The following RAPGEF6 variants were observed in gnomAD, a reference collection of about 807,000 sequenced individuals.
RAPGEF6 encodes Rap guanine nucleotide exchange factor 6.
RAPGEF6 carries 56 observed loss-of-function variants against 171.4 expected under a neutral mutation model. The observed-to-expected ratio is 0.33, with a 90% CI of 0.26 to 0.41. The LOEUF is 0.41. Ranked by LOEUF, RAPGEF6 falls within the 10% of genes least tolerant of loss-of-function variation. The pLI is 1.00. For missense variants in RAPGEF6, 1,674 were observed against 1,921.4 expected (o/e 0.87, Z 2.41); for synonymous variants, 692 against 650.1 (o/e 1.06, Z -0.98).
chr5:131,561,660 CAA>C (rs35691525), intron 5 of RAPGEF6, among the ~76,000 whole-genome samples: 1,120 of 90,874 alleles, frequency 0.012, 7 homozygotes, highest in South Asian at 0.061. Flanking sequence ...AACTCTGTCT[CAA>C]AAAAAAAAAA....
At chr5:131,474,285 G>A (rs537826288) in intron 16 of RAPGEF6, among the ~76,000 whole-genome samples, 129 of 152,224 alleles carry the variant, frequency 8.5e-4, no homozygotes, top group African/African-American at 3.0e-3. Context: ...CCAACATGGC[G>A]AAACCCCGTC....
chr5:131,544,964 G>A (rs1385316672), intron 6 of RAPGEF6, among the ~76,000 whole-genome samples: 1 of 152,156 alleles, frequency 6.6e-6, no homozygotes, highest in Non-Finnish European at 1.5e-5. Context: ...TTTCAGGCAT[G>A]AGCCACCACG....
Position 131,498,424 on chromosome 5 carries a change from T to G in RAPGEF6, c.1419+19A>C. 1.3e-6 allele frequency: 2 copies of G among 1,577,196 alleles called. No individual in the cohort carries two copies. Among genetic ancestry groups the G allele is most frequent in the East Asian group, 2.3e-5 (1 of 44,174 alleles). ...AAATTTTGGGTTAAAATCACTTTCA[T>G]GCCCCTTATAAAACCAACCTTATCT... On this transcript the variant is annotated intron_variant, in intron 12 of 27. Transcript: ENST00000509018.
intron 1 of RAPGEF6, among the ~76,000 whole-genome samples, chr5:131,612,022 T>A (rs1417810476): frequency 6.6e-6 from 1 of 152,072 alleles, no homozygotes; most frequent in African/African-American, 2.4e-5. Context: ...CAGTGGACAC[T>A]GAATTATGTT....
At chr5:131,495,810 A>G (rs1191727882) in intron 12 of RAPGEF6, 150 bp from the exon 13 acceptor site, 2 of 1,250,168 alleles carry the variant, frequency 1.6e-6, no homozygotes, top group African/African-American at 1.5e-5. Flanking sequence ...ACAGAAAGGC[A>G]TGGTTTAATT....
chr5:131,542,399 G>A (rs1760211122), intron 6 of RAPGEF6, among the ~76,000 whole-genome samples: 1 of 152,064 alleles, frequency 6.6e-6, no homozygotes, highest in African/African-American at 2.4e-5. Flanking sequence ...AAATCTATAA[G>A]TTATCTATCA....
chr5:131,517,750 C>T (rs1390087962), intron 7 of RAPGEF6, among the ~76,000 whole-genome samples: 5 of 142,080 alleles, frequency 3.5e-5, no homozygotes, highest in Admixed American at 7.6e-5. Flanking sequence ...TGTTTATTCC[C>T]GAGGATCTGA....
chr5:131,575,950 C>G (rs1762579929), intron 4 of RAPGEF6, among the ~76,000 whole-genome samples: 1 of 152,152 alleles, frequency 6.6e-6, no homozygotes, highest in Admixed American at 6.5e-5. Flanking sequence ...CCCACTTACT[C>G]TCTACAACTC....
At chr5:131,491,514 GA>G (rs1756280925) in intron 14 of RAPGEF6, among the ~76,000 whole-genome samples, 1 of 152,112 alleles carries the variant, frequency 6.6e-6, no homozygotes, top group African/African-American at 2.4e-5. Context: ...AAGTACATGA[GA>G]ATCATCTAGA....
chr5:131,521,050 A>G (rs55939271), intron 7 of RAPGEF6, among the ~76,000 whole-genome samples: 4,058 of 152,330 alleles, frequency 0.027, 192 homozygotes, highest in African/African-American at 0.092. Context: ...ACAGTCAATT[A>G]TAACAAAAAT....
chr5:131,604,525 A>C, intron 2 of RAPGEF6, 98 bp downstream of exon 2: 2 of 1,366,066 alleles, frequency 1.5e-6, no homozygotes, highest in South Asian at 2.7e-5. Flanking sequence ...CCAAGGGCTT[A>C]AAACAATAAG....
intron 6 of RAPGEF6, among the ~76,000 whole-genome samples, chr5:131,537,696 T>A (rs1442098944): frequency 6.6e-6 from 1 of 152,204 alleles, no homozygotes; most frequent in African/African-American, 2.4e-5. Context: ...ATATTTAAAT[T>A]AATCAAAAGA....
At chr5:131,600,403 T>C (rs1293930236) in intron 3 of RAPGEF6, among the ~76,000 whole-genome samples, 1 of 152,072 alleles carries the variant, frequency 6.6e-6, no homozygotes, top group Non-Finnish European at 1.5e-5. Context: ...GCGCCTGTAG[T>C]CTCAGCTACT....
intron 1 of RAPGEF6, among the ~76,000 whole-genome samples, chr5:131,632,764 A>G (rs1580710136): frequency 6.6e-6 from 1 of 152,294 alleles, no homozygotes; most frequent in East Asian, 1.9e-4. Context: ...TTGTCAAATT[A>G]TTTATCACAA....
At chr5:131,624,543 CAGCTACTTGGGAAAATTGCTTG>C (rs1438997413) in intron 1 of RAPGEF6, among the ~76,000 whole-genome samples, 1 of 152,174 alleles carries the variant, frequency 6.6e-6, no homozygotes, top group Admixed American at 6.5e-5. Flanking sequence ...CCTGTACTCC[CAGCTACTTGGGAAAATTGCTTG>C]AGCCCAGGGG....
At chr5:131,438,060 C>T (rs1366085921) in intron 24 of RAPGEF6, among the ~76,000 whole-genome samples, 1 of 152,146 alleles carries the variant, frequency 6.6e-6, no homozygotes, top group Non-Finnish European at 1.5e-5. Flanking sequence ...ATGATCTTGG[C>T]TCACTGCAAC....
chr5:131,554,354 T>C (rs974596064), intron 5 of RAPGEF6, among the ~76,000 whole-genome samples: 2 of 152,150 alleles, frequency 1.3e-5, no homozygotes, highest in East Asian at 1.9e-4. Context: ...CGGTCTCATA[T>C]ATAAGAAAGA....
At chr5:131,536,026 C>T (rs2149932142) in intron 6 of RAPGEF6, among the ~76,000 whole-genome samples, 1 of 152,118 alleles carries the variant, frequency 6.6e-6, no homozygotes, top group South Asian at 2.1e-4. Context: ...GGAATTTATT[C>T]CCAATCTGCA....
At chr5:131,435,744 A>G in intron 24 of RAPGEF6, 1 of 1,015,000 alleles carries the variant, frequency 9.9e-7, no homozygotes, top group Non-Finnish European at 1.3e-6. Flanking sequence ...GTAGGAAATA[A>G]AGTCAACTAC....
Sources: allele counts gnomAD v4.1 joint callset (sites outside exome capture counted in the v4.1 genomes callset), GRCh38; gene constraint gnomAD v4.1.1; transcripts MANE v1.5; gene names NCBI Gene and HGNC (gene_info 2026-07-23, HGNC 2026-07-21).